PIWIL1: variants seen among roughly 807,000 people sequenced by gnomAD.
The protein encoded by PIWIL1 is piwi-like protein 1.
A neutral mutation model predicts 114.4 loss-of-function variants in PIWIL1; 73 were observed. The ratio of observed to expected loss-of-function variants is 0.64; its 90% confidence interval spans 0.53 to 0.78. The LOEUF is 0.78. Among genes scored for constraint, PIWIL1 ranks in the 30% least tolerant of loss-of-function variants. The probability of loss-of-function intolerance (pLI) is 0.00; values close to 1 mark genes in which losing one functional copy is unlikely to be tolerated. For missense variants in PIWIL1, 723 were observed against 1,063.1 expected (o/e 0.68, Z 4.45); for synonymous variants, 375 against 369.0 (o/e 1.02, Z -0.19).
intron 18 of PIWIL1, among the ~76,000 whole-genome samples, chr12:130,363,764 T>A (rs113048412): frequency 9.1e-4 from 139 of 151,970 alleles, no homozygotes; most frequent in African/African-American, 3.1e-3. Context: ...ATTACAGGCG[T>A]GCACCACCAC....
At chr12:130,415,303 A>G in the PIWIL1 span, among the ~76,000 whole-genome samples, 1 of 152,224 alleles carries the variant, frequency 6.6e-6, no homozygotes, top group African/African-American at 2.4e-5. Context: ...CAAAAACCAT[A>G]TGATTATCTC....
At chr12:130,360,130 G>A (rs1026348913) in intron 14 of PIWIL1, among the ~76,000 whole-genome samples, 2 of 152,210 alleles carry the variant, frequency 1.3e-5, no homozygotes, top group African/African-American at 4.8e-5. Flanking sequence ...CAATACATCT[G>A]TGTTGCCATA....
At chr12:130,424,970 G>A in the PIWIL1 span, 253 of 544,032 alleles carry the variant, frequency 4.7e-4, 2 homozygotes, top group East Asian at 7.1e-3. The surrounding 1 kb of genome is among the most constrained non-coding windows in gnomAD (Gnocchi z 9.8). Flanking sequence ...GAGGCACCGA[G>A]GGGGGGGAAG....
chr12:130,340,292 C>T (rs1190199914), intron 1 of PIWIL1, among the ~76,000 whole-genome samples: 1 of 152,062 alleles, frequency 6.6e-6, no homozygotes, highest in African/African-American at 2.4e-5. Context: ...CAAGCGGATG[C>T]TTTCAGATTG....
At chr12:130,395,150 C>CT in the PIWIL1 span, among the ~76,000 whole-genome samples, 1 of 152,142 alleles carries the variant, frequency 6.6e-6, no homozygotes, top group South Asian at 2.1e-4. Context: ...GGTTTCTGTT[C>CT]TTTGAGTACT....
chr12:130,406,119 AT>A, the PIWIL1 span: 1 of 1,189,390 alleles, frequency 8.4e-7, no homozygotes, highest in East Asian at 2.3e-5. Flanking sequence ...AACACACAAA[AT>A]AAATGAAAAT....
In PIWIL1 at chr12:130,346,939, A is replaced by T. The variant is rs1352002755; in HGVS notation, c.532-2A>T. The stretch of plus-strand genomic sequence containing the variant: ...TTGGGTTTTCCACCTCTCTGGCTTC[A>T]GGTTACTGAAGTTTTTAGTAAGACC... On this transcript the variant is annotated splice_acceptor_variant, in intron 5 of 20. Coordinates refer to ENST00000245255, the MANE Select transcript of PIWIL1 (RefSeq NM_004764.5). LOFTEE classifies it high-confidence loss of function. 1 of 1,610,338 alleles carries T rather than the reference A, an allele frequency of 6.2e-7. No individual in the cohort carries two copies. The highest frequency in any genetic ancestry group is 8.5e-7 in the Non-Finnish European group (1 of 1,179,132).
intron 19 of PIWIL1, among the ~76,000 whole-genome samples, chr12:130,369,010 T>C (rs556412480): frequency 1.3e-4 from 20 of 152,184 alleles, no homozygotes; most frequent in Admixed American, 1.2e-3. Context: ...CCACATGCAT[T>C]AGCTCATGCA....
chr12:130,383,110 A>C, the PIWIL1 span, among the ~76,000 whole-genome samples: 1 of 152,212 alleles, frequency 6.6e-6, no homozygotes, highest in African/African-American at 2.4e-5. Flanking sequence ...CAGAGTGAAA[A>C]ATTCTTAATT....
At chr12:130,362,722 T>C in intron 16 of PIWIL1, 44 bp from the exon 17 acceptor site, 1 of 1,523,398 alleles carries the variant, frequency 6.6e-7, no homozygotes, top group Non-Finnish European at 9.1e-7. Flanking sequence ...GAAAAATTGA[T>C]AGACAATTGC....
At position 130,353,428 on chromosome 12, in the gene PIWIL1, G is replaced by GT. The variant is rs912117449; in HGVS notation, c.1045-1097dup. On this transcript the variant is annotated intron_variant, in intron 9 of 20. Transcript: ENST00000245255. ...TGGTGTGCTCAGTGAAGGTGTGTGGGTTTTTTTTTTTTAAAGCTGGATCTG... is the reference window on the plus strand; with the variant it reads ...TGGTGTGCTCAGTGAAGGTGTGTGGGTTTTTTTTTTTTTAAAGCTGGATCTG... Among the ~76,000 whole-genome samples, 330 of 144,962 alleles carry GT rather than the reference G, an allele frequency of 2.3e-3. 3 individuals are homozygous for GT. Among genetic ancestry groups the GT allele is most frequent in the East Asian group, 9.0e-3 (45 of 5,012 alleles).
the PIWIL1 span, among the ~76,000 whole-genome samples, chr12:130,393,920 C>T: frequency 6.6e-6 from 1 of 152,126 alleles, no homozygotes; most frequent in Non-Finnish European, 1.5e-5. Flanking sequence ...AACTTTGGAG[C>T]AGAAAAATTT....
At chr12:130,391,868 G>T in the PIWIL1 span, among the ~76,000 whole-genome samples, 1 of 151,850 alleles carries the variant, frequency 6.6e-6, no homozygotes, top group East Asian at 1.9e-4. Flanking sequence ...GTGACCACGA[G>T]AGCCTTTCCC....
At chr12:130,377,803 C>G in the PIWIL1 span, among the ~76,000 whole-genome samples, 1 of 152,222 alleles carries the variant, frequency 6.6e-6, no homozygotes, top group African/African-American at 2.4e-5. Context: ...TGCCCTTGGT[C>G]TGGGGCCTGG....
At chr12:130,403,252 C>G in the PIWIL1 span, among the ~76,000 whole-genome samples, 1 of 152,234 alleles carries the variant, frequency 6.6e-6, no homozygotes, top group East Asian at 1.9e-4. Context: ...CTGGGCAGTC[C>G]GCTCAGTGAA....
the PIWIL1 span, among the ~76,000 whole-genome samples, chr12:130,377,959 T>C: frequency 1.3e-5 from 2 of 152,246 alleles, no homozygotes; most frequent in African/African-American, 2.4e-5. Context: ...TTAAACACTT[T>C]AATGCTATTC....
chr12:130,386,514 C>T, the PIWIL1 span, among the ~76,000 whole-genome samples: 107 of 69,310 alleles, frequency 1.5e-3, no homozygotes, highest in Middle Eastern at 7.6e-3. Flanking sequence ...CTACCCCCTT[C>T]CTGTCTGCAT....
At chr12:130,399,255 T>G in the PIWIL1 span, 4 of 632,652 alleles carry the variant, frequency 6.3e-6, no homozygotes, top group Non-Finnish European at 9.1e-6. Flanking sequence ...AAAAATGAGA[T>G]ACTAAACATG....
At chr12:130,424,409 C>T in the PIWIL1 span, 525 of 1,232,746 alleles carry the variant, frequency 4.3e-4, 1 homozygote, top group Middle Eastern at 2.8e-3. The surrounding 1 kb of genome is among the most constrained non-coding windows in gnomAD (Gnocchi z 9.8). Flanking sequence ...GCAGCGGCCT[C>T]GGGCCCCTCC....
Sources: allele counts gnomAD v4.1 joint callset (sites outside exome capture counted in the v4.1 genomes callset), GRCh38; gene constraint gnomAD v4.1.1; non-coding constraint Gnocchi (gnomAD v3.1); transcripts MANE v1.5; gene names NCBI Gene and HGNC (gene_info 2026-07-23, HGNC 2026-07-21).